Variants in SEPTIN7 observed in about 807,000 individuals in gnomAD.
The protein encoded by SEPTIN7 is septin-7.
A neutral mutation model predicts 63.3 loss-of-function variants in SEPTIN7; 10 were observed. That is an observed-to-expected ratio of 0.16 (90% CI 0.10 to 0.27). SEPTIN7 has a LOEUF of 0.27. Among genes scored for constraint, SEPTIN7 ranks in the 10% least tolerant of loss-of-function variants. The pLI is 1.00. For synonymous variants in SEPTIN7, 131 were observed against 165.3 expected (o/e 0.79, Z 1.59); for missense variants, 310 against 521.0 (o/e 0.59, Z 3.94).
intron 13 of SEPTIN7, among the ~76,000 whole-genome samples, 159 bp downstream of exon 13, chr7:35,903,374 A>G (rs73324370): frequency 0.035 from 5,235 of 148,576 alleles, 324 homozygotes; most frequent in African/African-American, 0.12. Context: ...TTTTATATGG[A>G]TGGATACAGT....
chr7:35,861,271 A>G (rs1785492860), intron 3 of SEPTIN7, among the ~76,000 whole-genome samples: 1 of 152,132 alleles, frequency 6.6e-6, no homozygotes, highest in Non-Finnish European at 1.5e-5. Flanking sequence ...TGTCTAATAA[A>G]TCTAATATCT....
intron 8 of SEPTIN7, 118 bp from the exon 9 acceptor site, chr7:35,883,773 C>A: frequency 5.6e-6 from 3 of 535,926 alleles, no homozygotes; most frequent in Non-Finnish European, 3.2e-6. Flanking sequence ...AATGCAGAAA[C>A]TATCGAAAGT....
At chr7:35,813,823 A>T (rs1328771307) in intron 1 of SEPTIN7, among the ~76,000 whole-genome samples, 1 of 152,226 alleles carries the variant, frequency 6.6e-6, no homozygotes, top group African/African-American at 2.4e-5. Flanking sequence ...TGATCATTTC[A>T]CATTCGATAG....
At chr7:35,806,765 C>T (rs1256725075) in intron 1 of SEPTIN7, among the ~76,000 whole-genome samples, 1 of 152,128 alleles carries the variant, frequency 6.6e-6, no homozygotes, top group Non-Finnish European at 1.5e-5. Context: ...TGTTAGTTGA[C>T]TCATTTAAAG....
At chr7:35,889,686 G>A (rs1787517120) in intron 10 of SEPTIN7, among the ~76,000 whole-genome samples, 1 of 152,122 alleles carries the variant, frequency 6.6e-6, no homozygotes, top group Non-Finnish European at 1.5e-5. Context: ...TGGGATTATA[G>A]GTGCTTGCCA....
At chr7:35,839,523 T>TTTATGTTACG (rs1673311670) in intron 3 of SEPTIN7, among the ~76,000 whole-genome samples, 1 of 148,188 alleles carries the variant, frequency 6.7e-6, no homozygotes. Context: ...ATTTTTGTAA[T>TTTATGTTACG]TTATGTTATG....
intron 3 of SEPTIN7, among the ~76,000 whole-genome samples, chr7:35,835,603 A>G (rs943847839): frequency 6.6e-6 from 1 of 152,098 alleles, no homozygotes; most frequent in Non-Finnish European, 1.5e-5. Flanking sequence ...GGTATAGTGC[A>G]GTGTTTATAA....
chr7:35,829,854 G>A (rs1783736918), intron 1 of SEPTIN7, among the ~76,000 whole-genome samples: 1 of 152,084 alleles, frequency 6.6e-6, no homozygotes, highest in African/African-American at 2.4e-5. Context: ...TAAATAAGGT[G>A]ATTAGGGCAG....
intron 6 of SEPTIN7, among the ~76,000 whole-genome samples, chr7:35,879,373 A>G (rs926587401): frequency 6.6e-6 from 1 of 152,022 alleles, no homozygotes; most frequent in Non-Finnish European, 1.5e-5. Context: ...AGTCCCAGCT[A>G]CTCAGGAGGC....
intron 11 of SEPTIN7, among the ~76,000 whole-genome samples, chr7:35,893,526 G>A (rs1487378767): frequency 6.6e-6 from 1 of 152,132 alleles, no homozygotes; most frequent in East Asian, 1.9e-4. Context: ...GCCTAAGTGT[G>A]TAGTAGGTTA....
In SEPTIN7 at chr7:35,883,891, G is replaced by T; in HGVS notation, c.724G>T (p.Asp242Tyr). The change falls in exon 9 of 14, where the codon GAC (aspartate) becomes TAC (tyrosine). Residue 242 changes from aspartate to tyrosine, a missense_variant and splice_region_variant. This residue lies in a region of SEPTIN7 where 255 missense variants were observed against 490.5 expected (regional missense o/e 0.52). Coordinates refer to ENST00000350320, the MANE Select transcript of SEPTIN7 (RefSeq NM_001788.6). Reference protein sequence around the residue: ...EENKLVKKIKDRLPLAVVGSN... With the variant: ...EENKLVKKIKYRLPLAVVGSN... ...TGAACAAGAATACTTTGTTTTATAG[G>T]ACCGTTTACCTCTTGCTGTGGTAGG... 6.3e-7 allele frequency: 1 copy of T among 1,581,690 alleles called. No individual in the cohort carries two copies. The highest frequency in any genetic ancestry group is 1.1e-5 in the South Asian group (1 of 90,030).
At chr7:35,848,137 C>T (rs1266188819) in intron 3 of SEPTIN7, 1 of 152,136 alleles carries the variant, frequency 6.6e-6, no homozygotes, top group Non-Finnish European at 1.5e-5. Flanking sequence ...TTTTCTGATT[C>T]GTGTAACTCA....
intron 4 of SEPTIN7, among the ~76,000 whole-genome samples, chr7:35,866,244 T>G (rs975513049): frequency 2.6e-5 from 4 of 152,214 alleles, no homozygotes; most frequent in Non-Finnish European, 4.4e-5. Flanking sequence ...CATGCCATAT[T>G]ACAGACAGGG....
intron 1 of SEPTIN7, among the ~76,000 whole-genome samples, chr7:35,826,339 T>C (rs764253751): frequency 1.3e-5 from 2 of 150,916 alleles, no homozygotes; most frequent in African/African-American, 4.8e-5. Context: ...TTACTTACAC[T>C]TTAGGAGAAA....
intron 2 of SEPTIN7, 55 bp downstream of exon 2, chr7:35,831,551 T>C (rs1783835172): frequency 2.5e-6 from 1 of 403,310 alleles, no homozygotes; most frequent in Admixed American, 3.2e-5. Context: ...AACTTAAATT[T>C]AATTTATAGT....
At chr7:35,873,826 T>C in intron 6 of SEPTIN7, 51 bp downstream of exon 6, 4 of 1,538,678 alleles carry the variant, frequency 2.6e-6, no homozygotes, top group Non-Finnish European at 3.6e-6. Flanking sequence ...TGCTTACTGT[T>C]ACCTTTATGT....
At chr7:35,819,839 C>T (rs145286332) in intron 1 of SEPTIN7, among the ~76,000 whole-genome samples, 1 of 152,200 alleles carries the variant, frequency 6.6e-6, no homozygotes, top group Non-Finnish European at 1.5e-5. Context: ...ATAGTTGGAT[C>T]TTACTTTTAA....
chr7:35,901,346 T>C (rs1048529977), intron 12 of SEPTIN7: 1 of 152,226 alleles, frequency 6.6e-6, no homozygotes, highest in Non-Finnish European at 1.5e-5. Flanking sequence ...GAAAAAACTC[T>C]GAAAACTGCA....
At chr7:35,814,743 A>G (rs561096442) in intron 1 of SEPTIN7, among the ~76,000 whole-genome samples, 96 of 152,246 alleles carry the variant, frequency 6.3e-4, no homozygotes, top group Non-Finnish European at 8.2e-4. Flanking sequence ...TGGGTGGCCA[A>G]CGTGGGTGGA....
Sources: gnomAD v4.1 joint callset for allele counts (sites outside exome capture counted in the v4.1 genomes callset) on GRCh38, gnomAD v4.1.1 for gene constraint, gnomAD v4.1.1 regional missense constraint, MANE v1.5 for transcripts, NCBI Gene and HGNC (gene_info 2026-07-23, HGNC 2026-07-21) for gene names.